TMEM140: variants seen among roughly 807,000 people sequenced by gnomAD.
TMEM140 encodes the protein transmembrane protein 140.
For missense variants in TMEM140, 236 were observed against 228.5 expected, an observed-to-expected ratio of 1.03 and a Z score of -0.21; for synonymous variants, 107 against 106.8, an observed-to-expected ratio of 1.00 and a Z score of -0.01.
rs1221545808 is a variant in TMEM140 at position 135,151,332 on chromosome 7, C to T, written c.-25+3062C>T. Reference sequence around the variant, plus strand: ...TGTTTCTACCAAAGGAAATATGACACATTTCCCTTTCTTCTTCCCTTTTTA... The same window carrying T: ...TGTTTCTACCAAAGGAAATATGACATATTTCCCTTTCTTCTTCCCTTTTTA... On this transcript the variant is annotated intron_variant, in intron 1 of 1. Transcript: ENST00000275767. The surrounding 1 kb of genome is among the most constrained non-coding windows in gnomAD (Gnocchi z 4.3). 1.3e-5 allele frequency among the ~76,000 whole-genome samples: 2 copies of T among 152,128 alleles called. No individual in the cohort carries two copies. The highest frequency in any genetic ancestry group is 6.5e-5 in the Admixed American group (1 of 15,272).
intron 1 of TMEM140, among the ~76,000 whole-genome samples, chr7:135,162,357 G>A (rs1453448886): frequency 6.6e-6 from 1 of 152,220 alleles, no homozygotes; most frequent in East Asian, 1.9e-4. Flanking sequence ...CATGGCCCCA[G>A]TACCTTGTGC....
intron 1 of TMEM140, among the ~76,000 whole-genome samples, chr7:135,163,017 T>C (rs937431042): frequency 2.6e-5 from 4 of 152,226 alleles, no homozygotes; most frequent in Admixed American, 2.0e-4. Flanking sequence ...GATCCAATGA[T>C]TGCACTTATA....
In TMEM140 at chr7:135,164,813, T is replaced by G. The variant is rs747593448; in HGVS notation, c.372T>G (p.Ser124=). ...RLAVGFLAVS[S]VLLAGGLGLF... ...CAGTGGGCTTCCTGGCTGTGTCCTC[T>G]GTGCTGCTGGCAGGCGGCCTGGGCC... Residue 124 remains serine (S), a synonymous_variant, in exon 2 of 2, where the codon TCT becomes TCG. Coordinates refer to ENST00000275767, the MANE Select transcript of TMEM140 (RefSeq NM_018295.5). The G allele has an allele frequency of 3.7e-6, 6 of 1,614,010 alleles. No individual in the cohort carries two copies. The South Asian group carries it at 6.6e-5, about 18-fold the overall frequency.
chr7:135,148,154 C>T lies in TMEM140; in HGVS notation c.-141C>T. 2 of 448,240 alleles carry T rather than the reference C, an allele frequency of 4.5e-6. No homozygotes were observed. The highest frequency in any genetic ancestry group is 1.6e-5 in the South Asian group (1 of 63,806). The allele number at this position is 448,240 out of a possible 1,614,324, so 27.8% of individuals were successfully genotyped here. ...ATCTGCCTGCCATTTCCCTTCCACTCCTCCTTTCTGGAGTCTGACATTAGA... is the reference window on the plus strand; with the variant it reads ...ATCTGCCTGCCATTTCCCTTCCACTTCTCCTTTCTGGAGTCTGACATTAGA... On this transcript the variant is annotated 5_prime_UTR_variant, in exon 1 of 2. Transcript: ENST00000275767.
In TMEM140 at chr7:135,164,700, G is replaced by A. The variant is rs201066731; in HGVS notation, c.259G>A (p.Val87Met). Residue 87 changes from valine (V) to methionine (M), a missense_variant, in exon 2 of 2, where the codon GTG becomes ATG. By Grantham distance (21) the Val-to-Met change is conservative. Coordinates refer to ENST00000275767, the MANE Select transcript of TMEM140 (RefSeq NM_018295.5). ...RVGLGLARLG[V>M]YGSLVLTLFA... ...TGGCCTGGGCCTGGCCAGGCTTGGC[G>A]TGTACGGGTCCCTGGTCCTCACCCT... The A allele has an allele frequency of 1.1e-5, 18 of 1,614,230 alleles. No individual in the cohort carries two copies. The highest frequency in any genetic ancestry group is 6.6e-5 in the South Asian group (6 of 91,086).
chr7:135,155,221 T>C (rs1017856757), intron 1 of TMEM140, among the ~76,000 whole-genome samples: 1 of 152,240 alleles, frequency 6.6e-6, no homozygotes, highest in South Asian at 2.1e-4. Flanking sequence ...TCAGTCTATA[T>C]GTCTTTATGG....
intron 1 of TMEM140, among the ~76,000 whole-genome samples, chr7:135,163,514 G>A (rs759315909): frequency 7.2e-5 from 11 of 151,960 alleles, no homozygotes; most frequent in South Asian, 2.1e-4. Flanking sequence ...GCATGGTGGC[G>A]GGTGCCTGTA....
rs888288882 is a variant in TMEM140, at chr7:135,161,089, C to T, written c.-24-3329C>T. 6.6e-6 allele frequency among the ~76,000 whole-genome samples: 1 copy of T among 152,176 alleles called. No individual in the cohort carries two copies. Among genetic ancestry groups the T allele is most frequent in the African/African-American group, 2.4e-5 (1 of 41,418 alleles). On this transcript the variant is annotated intron_variant, in intron 1 of 1. Coordinates refer to ENST00000275767, the MANE Select transcript of TMEM140 (RefSeq NM_018295.5). The surrounding 1 kb of genome is among the most constrained non-coding windows in gnomAD (Gnocchi z 4.1). ...CCAAGTCGCACCAGATGATGGCGAG[C>T]CTCATAAGAGCTGGGACTGAATATA...
intron 1 of TMEM140, among the ~76,000 whole-genome samples, chr7:135,153,496 A>G (rs1829713677): frequency 6.6e-6 from 1 of 151,998 alleles, no homozygotes; most frequent in Non-Finnish European, 1.5e-5. Context: ...CTCTAAAAAC[A>G]GCAGATGTCG....
At chr7:135,157,188 G>A (rs1234581413) in intron 1 of TMEM140, among the ~76,000 whole-genome samples, 1 of 152,184 alleles carries the variant, frequency 6.6e-6, no homozygotes, top group Non-Finnish European at 1.5e-5. Flanking sequence ...TTTGCGTCTG[G>A]TGTAGCAGTT....
rs1397475003 is a variant in TMEM140, at chr7:135,165,622, G to C, written c.*623G>C. On this transcript the variant is annotated 3_prime_UTR_variant, in exon 2 of 2. Transcript: ENST00000275767. ...GCTTCAAAGCTTCCCTGGACCTGAAGCCAGACAGGGCAGAGGCGTCCGCTG... is the reference window on the plus strand; with the variant it reads ...GCTTCAAAGCTTCCCTGGACCTGAACCCAGACAGGGCAGAGGCGTCCGCTG... The C allele has an allele frequency of 2.4e-5, 4 of 167,422 alleles. No individual in the cohort carries two copies. Among genetic ancestry groups the C allele is most frequent in the African/African-American group, 9.6e-5 (4 of 41,454 alleles). 10.4% of individuals were successfully genotyped at this position (167,422 alleles called of 1,614,324 possible).
At chr7:135,148,462 C>A (rs3735001) in intron 1 of TMEM140, among the ~76,000 whole-genome samples, 192 bp downstream of exon 1, 39,457 of 152,190 alleles carry the variant, frequency 0.26, 5,750 homozygotes, top group East Asian at 0.58. Context: ...ACTCTCTGCT[C>A]TCCTTCCTTC....
chr7:135,157,881 A>G (rs1161819509), intron 1 of TMEM140, among the ~76,000 whole-genome samples: 1 of 152,122 alleles, frequency 6.6e-6, no homozygotes, highest in Non-Finnish European at 1.5e-5. Flanking sequence ...ATCAGCATTA[A>G]ACTCTCAAAA....
Position 135,151,829 on chromosome 7 carries a change from G to A in TMEM140, c.-25+3559G>A, listed in dbSNP as rs1053596717. 6.6e-5 allele frequency among the ~76,000 whole-genome samples: 10 copies of A among 152,250 alleles called. No individual in the cohort carries two copies. The highest frequency in any genetic ancestry group is 3.4e-3 in the Middle Eastern group (1 of 294). On this transcript the variant is annotated intron_variant, in intron 1 of 1. Coordinates refer to ENST00000275767, the MANE Select transcript of TMEM140 (RefSeq NM_018295.5). This position sits in a 1 kb window ranked among gnomAD's most constrained non-coding sequence, Gnocchi z 4.3. The stretch of plus-strand genomic sequence containing the variant: ...CGACGACATGCTCCCAGGTCATCTG[G>A]CTCTAAAACCCATGCTCCTTACCAC...
rs1460918908 is a variant in TMEM140 at position 135,161,677 on chromosome 7, TC to T, written c.-24-2738del. Among the ~76,000 whole-genome samples the T allele has an allele frequency of 6.6e-6, 1 of 152,196 alleles. No individual in the cohort carries two copies. Among genetic ancestry groups the T allele is most frequent in the Non-Finnish European group, 1.5e-5 (1 of 68,040 alleles). On this transcript the variant is annotated intron_variant, in intron 1 of 1. Transcript: ENST00000275767. This position sits in a 1 kb window ranked among gnomAD's most constrained non-coding sequence, Gnocchi z 4.1. ...CCCAGACTAATGCCACCTTTTCAATTCCCAATAATTCCTTCCGTAACAAGCA... is the reference window on the plus strand; with the variant it reads ...CCCAGACTAATGCCACCTTTTCAATTCCAATAATTCCTTCCGTAACAAGCA...
At chr7:135,152,820 T>G (rs1435895337) in intron 1 of TMEM140, 2 of 152,192 alleles carry the variant, frequency 1.3e-5, no homozygotes, top group African/African-American at 2.4e-5. Context: ...TTGCAAAGTG[T>G]GTAATGTTTA....
rs1830065786 is a variant in TMEM140, at chr7:135,165,314, G to A, written c.*315G>A. 1 of 266,140 alleles carries A rather than the reference G, an allele frequency of 3.8e-6. No homozygotes were observed. Among genetic ancestry groups the A allele is most frequent in the Admixed American group, 4.9e-5 (1 of 20,350 alleles). The allele number at this position is 266,140 out of a possible 1,614,324, so 16.5% of individuals were successfully genotyped here. A position where few individuals can be genotyped will look rare whatever the true frequency, so the allele number is the denominator to read the frequency against. Reference sequence around the variant, plus strand: ...AGCAAATCTTCCTCTAGCTTCAGGAGGGTGGGGAGGGAGTGATTGCTGTCA... The same window carrying A: ...AGCAAATCTTCCTCTAGCTTCAGGAAGGTGGGGAGGGAGTGATTGCTGTCA... On this transcript the variant is annotated 3_prime_UTR_variant, in exon 2 of 2. Coordinates refer to ENST00000275767, the MANE Select transcript of TMEM140 (RefSeq NM_018295.5).
intron 1 of TMEM140, among the ~76,000 whole-genome samples, chr7:135,158,671 CAG>C (rs1480688251): frequency 4.0e-5 from 6 of 151,406 alleles, no homozygotes; most frequent in Admixed American, 1.3e-4. Context: ...GGCCTGGGAT[CAG>C]AGAGTGTCCC....
chr7:135,158,049 T>C (rs191707349), intron 1 of TMEM140, among the ~76,000 whole-genome samples: 74 of 151,854 alleles, frequency 4.9e-4, no homozygotes, highest in African/African-American at 1.7e-3. Context: ...CGGGAGAGCA[T>C]AGATTCCTTG....
Sources: gnomAD v4.1 joint callset for allele counts (sites outside exome capture counted in the v4.1 genomes callset) on GRCh38, gnomAD v4.1.1 for gene constraint, Gnocchi (gnomAD v3.1) non-coding constraint, MANE v1.5 for transcripts, NCBI Gene and HGNC (gene_info 2026-07-23, HGNC 2026-07-21) for gene names.